DENND1A: variants seen among roughly 807,000 people sequenced by gnomAD.
DENND1A encodes DENN domain containing 1A.
Under a neutral mutation model 113.7 loss-of-function variants are expected in DENND1A, and 51 were observed. That is an observed-to-expected ratio of 0.45 (90% CI 0.36 to 0.57). The LOEUF (loss-of-function observed/expected upper bound fraction) is 0.57. Among genes scored for constraint, DENND1A ranks in the 20% least tolerant of loss-of-function variants. The pLI is 0.00. For synonymous variants in DENND1A, 565 were observed against 570.8 expected, an observed-to-expected ratio of 0.99 and a Z score of 0.14; for missense variants, 1,258 against 1,395.9, an observed-to-expected ratio of 0.90 and a Z score of 1.57.
intron 5 of DENND1A, among the ~76,000 whole-genome samples, chr9:123,710,858 A>C (rs2066536594): frequency 6.6e-6 from 1 of 151,898 alleles, no homozygotes; most frequent in Non-Finnish European, 1.5e-5. Flanking sequence ...TTTTTAGTAG[A>C]GACAGGGTTT....
intron 11 of DENND1A, among the ~76,000 whole-genome samples, chr9:123,602,297 C>T (rs1194799591): frequency 6.6e-6 from 1 of 152,260 alleles, no homozygotes; most frequent in East Asian, 1.9e-4. Flanking sequence ...AACTATTATA[C>T]AACAATTATA....
At chr9:123,771,048 T>C (rs926437943) in intron 3 of DENND1A, among the ~76,000 whole-genome samples, 3 of 152,148 alleles carry the variant, frequency 2.0e-5, no homozygotes, top group African/African-American at 7.2e-5. Flanking sequence ...AGAAATGTCA[T>C]GAAATAATGT....
At chr9:123,495,343 G>A (rs1039263995) in intron 13 of DENND1A, among the ~76,000 whole-genome samples, 2 of 152,148 alleles carry the variant, frequency 1.3e-5, no homozygotes, top group African/African-American at 4.8e-5. Context: ...ATAGCTCTGA[G>A]AGGATGAGCT....
intron 1 of DENND1A, among the ~76,000 whole-genome samples, chr9:123,887,817 T>C (rs1007154374): frequency 3.3e-5 from 5 of 152,128 alleles, no homozygotes; most frequent in Admixed American, 2.0e-4. Context: ...CCAAGGCTAC[T>C]TGGAAGACAT....
At chr9:123,678,505 C>A (rs1244752798) in intron 5 of DENND1A, among the ~76,000 whole-genome samples, 1 of 152,194 alleles carries the variant, frequency 6.6e-6, no homozygotes, top group Non-Finnish European at 1.5e-5. Flanking sequence ...CCAATACCGA[C>A]AGATATGGAC....
At chr9:123,908,958 A>T (rs1387595587) in intron 1 of DENND1A, among the ~76,000 whole-genome samples, 1 of 152,190 alleles carries the variant, frequency 6.6e-6, no homozygotes, top group Non-Finnish European at 1.5e-5. Context: ...CAAATGTCCA[A>T]CAATGATAGA....
intron 2 of DENND1A, among the ~76,000 whole-genome samples, chr9:123,804,978 A>C (rs1392031894): frequency 1.3e-5 from 2 of 150,522 alleles, no homozygotes; most frequent in African/African-American, 4.9e-5. Flanking sequence ...TCACTTCCTA[A>C]CTCTCCTCTC....
At chr9:123,722,326 T>C (rs747517240) in intron 5 of DENND1A, among the ~76,000 whole-genome samples, 7 of 152,144 alleles carry the variant, frequency 4.6e-5, no homozygotes, top group Non-Finnish European at 7.4e-5. Flanking sequence ...AAATAAAACA[T>C]AAAAGTTTGA....
chr9:123,635,997 G>T (rs2061682142), intron 9 of DENND1A, among the ~76,000 whole-genome samples: 1 of 152,166 alleles, frequency 6.6e-6, no homozygotes, highest in South Asian at 2.1e-4. Context: ...TAGAGGAATT[G>T]CTATCCTTTG....
chr9:123,542,311 G>A (rs1298128619), intron 13 of DENND1A, among the ~76,000 whole-genome samples: 1 of 152,148 alleles, frequency 6.6e-6, no homozygotes. Flanking sequence ...GAGGTAATAG[G>A]GTTCAGAAAG....
chr9:123,597,832 C>G (rs1420814921), intron 11 of DENND1A, among the ~76,000 whole-genome samples: 1 of 152,192 alleles, frequency 6.6e-6, no homozygotes, highest in African/African-American at 2.4e-5. Flanking sequence ...ACCCCAACTT[C>G]CCAATCTGAG....
intron 13 of DENND1A, among the ~76,000 whole-genome samples, chr9:123,499,599 G>A (rs60158729): frequency 0.032 from 4,857 of 152,258 alleles, 269 homozygotes; most frequent in African/African-American, 0.11. Flanking sequence ...AAAGCACAAA[G>A]ATATTAAAAA....
intron 13 of DENND1A, among the ~76,000 whole-genome samples, chr9:123,482,921 C>A (rs551918232): frequency 7.9e-5 from 12 of 152,250 alleles, no homozygotes; most frequent in African/African-American, 2.4e-4. Context: ...TCATGCAGGT[C>A]TTTTTAGGTC....
At chr9:123,479,003 T>A (rs962493687) in intron 13 of DENND1A, among the ~76,000 whole-genome samples, 2 of 152,212 alleles carry the variant, frequency 1.3e-5, no homozygotes, top group African/African-American at 4.8e-5. Flanking sequence ...TAGGCACTGC[T>A]TAAGCACCAG....
Position 123,465,621 on chromosome 9 carries a change from G to C in DENND1A, c.994-7724C>G, listed in dbSNP as rs375074225. Among the ~76,000 whole-genome samples, 4 of 152,168 alleles carry C rather than the reference G, an allele frequency of 2.6e-5. No individual in the cohort carries two copies. In the East Asian group the frequency reaches 7.7e-4, roughly 29 times the overall value. ...CAAATAACTGTTTCCCCTGAGGGTGGAGATTGGGTCTTACCAGGGCTGGCA... is the reference window on the plus strand; with the variant it reads ...CAAATAACTGTTTCCCCTGAGGGTGCAGATTGGGTCTTACCAGGGCTGGCA... On this transcript the variant is annotated intron_variant, in intron 13 of 23. Transcript: ENST00000394215.
At chr9:123,752,171 C>T (rs2131323178) in intron 5 of DENND1A, among the ~76,000 whole-genome samples, 1 of 152,054 alleles carries the variant, frequency 6.6e-6, no homozygotes, top group Non-Finnish European at 1.5e-5. Flanking sequence ...TTCAGCTCAT[C>T]AAAATCTTGG....
At chr9:123,549,942 C>A (rs1267388755) in intron 13 of DENND1A, among the ~76,000 whole-genome samples, 1 of 152,094 alleles carries the variant, frequency 6.6e-6, no homozygotes, top group Non-Finnish European at 1.5e-5. Context: ...AATCCGAAAA[C>A]AGTTTTTATT....
intron 3 of DENND1A, among the ~76,000 whole-genome samples, chr9:123,787,338 T>C (rs923571546): frequency 9.2e-5 from 14 of 152,186 alleles, no homozygotes; most frequent in Non-Finnish European, 8.8e-5. Context: ...AATCAGGGCA[T>C]GAGTAAGTTT....
intron 5 of DENND1A, among the ~76,000 whole-genome samples, chr9:123,714,119 C>T (rs182124669): frequency 3.9e-5 from 6 of 152,288 alleles, no homozygotes; most frequent in Admixed American, 2.0e-4. Flanking sequence ...ATTTTATGCT[C>T]GAGAAAGGAT....
Sources: gnomAD v4.1 joint callset for allele counts (sites outside exome capture counted in the v4.1 genomes callset) on GRCh38, gnomAD v4.1.1 for gene constraint, MANE v1.5 for transcripts, NCBI Gene and HGNC (gene_info 2026-07-23, HGNC 2026-07-21) for gene names.